The following YAP1 variants were observed in gnomAD, a reference collection of about 807,000 sequenced individuals.
YAP1 encodes the protein transcriptional coactivator YAP1.
Under a neutral mutation model 56.9 loss-of-function variants are expected in YAP1, and 5 were observed. The ratio of observed to expected loss-of-function variants is 0.09; its 90% CI spans 0.05 to 0.18. The LOEUF (loss-of-function observed/expected upper bound fraction) is 0.18. Among genes scored for constraint, YAP1 ranks in the 10% least tolerant of loss-of-function variants. YAP1 has a pLI of 1.00. For missense variants in YAP1, 539 were observed against 651.8 expected (o/e 0.83, Z 1.88); for synonymous variants, 265 against 248.1 (o/e 1.07, Z -0.64).
At chr11:102,124,245 G>T (rs572987651) in intron 2 of YAP1, among the ~76,000 whole-genome samples, 4 of 152,014 alleles carry the variant, frequency 2.6e-5, no homozygotes, top group Admixed American at 6.6e-5. Context: ...GAGCTGCTGC[G>T]CCCGGCACTC....
intron 1 of YAP1, chr11:102,112,596 G>A: frequency 1.0e-6 from 1 of 985,016 alleles, no homozygotes; most frequent in Non-Finnish European, 1.2e-6. Flanking sequence ...TCTCCTATTT[G>A]CAGGCCTGTT....
intron 3 of YAP1, among the ~76,000 whole-genome samples, chr11:102,179,251 G>A (rs991015219): frequency 5.3e-5 from 8 of 152,060 alleles, no homozygotes; most frequent in African/African-American, 1.4e-4. Context: ...TGGTATTGGT[G>A]GTCAGGCATG....
At chr11:102,222,890 C>G (rs1213801048) in intron 6 of YAP1, among the ~76,000 whole-genome samples, 1 of 147,630 alleles carries the variant, frequency 6.8e-6, no homozygotes, top group Non-Finnish European at 1.5e-5. Flanking sequence ...GGGAGGGGGT[C>G]GGGGGGTTCC....
chr11:102,186,619 C>G (rs917827812), intron 4 of YAP1: 1 of 152,592 alleles, frequency 6.6e-6, no homozygotes, highest in Admixed American at 6.6e-5. Flanking sequence ...AGAAATGGCC[C>G]AGTGAAAGCA....
chr11:102,177,349 A>G (rs1479013645), intron 3 of YAP1, among the ~76,000 whole-genome samples: 1 of 152,156 alleles, frequency 6.6e-6, no homozygotes, highest in Non-Finnish European at 1.5e-5. Context: ...GTGAGGTAAG[A>G]TGATCATGTG....
intron 3 of YAP1, among the ~76,000 whole-genome samples, chr11:102,179,670 C>G (rs1341673238): frequency 6.6e-6 from 1 of 152,072 alleles, no homozygotes; most frequent in East Asian, 1.9e-4. Flanking sequence ...TTTTCTTTTT[C>G]TTTCCCATTT....
intron 2 of YAP1, among the ~76,000 whole-genome samples, chr11:102,134,525 AT>A (rs1944559698): frequency 6.8e-6 from 1 of 148,138 alleles, no homozygotes; most frequent in Non-Finnish European, 1.5e-5. Context: ...AAATATATAT[AT>A]ATTTAAGAAT....
rs1223615889 is a variant in YAP1, at chr11:102,113,535, G to GT, written c.322-602dup. On this transcript the variant is annotated intron_variant, in intron 1 of 8. Transcript: ENST00000282441. ...CTTCTACATACAAAGATATAGTTGG[G>GT]TTTTTTTCATCCTGTTCATTGTAGA... Among the ~76,000 whole-genome samples, 10 of 152,114 alleles carry GT rather than the reference G, an allele frequency of 6.6e-5. No homozygotes were observed. The South Asian group carries it at 1.5e-3, about 22-fold the overall frequency.
chr11:102,138,316 C>T (rs1022481244), intron 2 of YAP1, among the ~76,000 whole-genome samples: 1 of 152,210 alleles, frequency 6.6e-6, no homozygotes, highest in East Asian at 1.9e-4. Flanking sequence ...TCTGCTGATA[C>T]TGCCTGAAGT....
rs200365533 is a variant in YAP1 at position 102,200,444 on chromosome 11, CTT to C, written c.803-5433_803-5432del. Among the ~76,000 whole-genome samples the C allele has an allele frequency of 4.1e-3, 541 of 131,028 alleles. 2 individuals carry two copies. Among genetic ancestry groups the C allele is most frequent in the African/African-American group, 0.014 (490 of 36,106 alleles). 86.0% of individuals were successfully genotyped at this position (131,028 alleles called of 152,430 possible). ...TTGACAAATTTGAGTAAAGAATAAG[CTT>C]TTTTTTTTTTTTTTTAGACAAGAGT... On this transcript the variant is annotated intron_variant, in intron 4 of 8. Coordinates refer to ENST00000282441, the MANE Select transcript of YAP1 (RefSeq NM_001130145.3).
intron 2 of YAP1, among the ~76,000 whole-genome samples, chr11:102,145,256 G>A (rs543735707): frequency 6.6e-6 from 1 of 152,302 alleles, no homozygotes; most frequent in South Asian, 2.1e-4. Flanking sequence ...GTTCAGCTCA[G>A]TGTTTTTGGT....
intron 2 of YAP1, among the ~76,000 whole-genome samples, chr11:102,160,586 T>C (rs1041088781): frequency 2.6e-5 from 4 of 152,204 alleles, no homozygotes; most frequent in East Asian, 1.9e-4. Context: ...AGCAAACTTA[T>C]CATTTTAGAA....
intron 7 of YAP1, among the ~76,000 whole-genome samples, chr11:102,226,349 A>T (rs1950195729): frequency 6.6e-6 from 1 of 152,228 alleles, no homozygotes; most frequent in African/African-American, 2.4e-5. Flanking sequence ...AACAAGGCAA[A>T]TGCATTGCAT....
Position 102,110,884 on chromosome 11 carries a change from C to T in YAP1, c.36C>T (p.Ala12=), listed in dbSNP as rs768900324. The T allele has an allele frequency of 4.2e-6, 6 of 1,422,406 alleles. No individual in the cohort carries two copies. The South Asian group carries it at 8.6e-5, about 20-fold the overall frequency. The allele number at this position is 1,422,406 out of a possible 1,614,324, so 88.1% of individuals were successfully genotyped here. A position where few individuals can be genotyped will look rare whatever the true frequency, so the allele number is the denominator to read the frequency against. ...DPGQQPPPQP[A]PQGQGQPPSQ... is the part of the protein sequence containing the mutation. ...GGCAGCAGCCGCCGCCTCAACCGGC[C>T]CCCCAGGGCCAAGGGCAGCCGCCTT... Residue 12 remains alanine, a synonymous_variant, in exon 1 of 9, where the codon GCC becomes GCT. Transcript: ENST00000282441.
intron 2 of YAP1, among the ~76,000 whole-genome samples, chr11:102,141,580 T>G (rs1945027755): frequency 6.6e-6 from 1 of 152,232 alleles, no homozygotes; most frequent in South Asian, 2.1e-4. Context: ...TGGAGAAGTT[T>G]GGTCTTTGGT....
chr11:102,122,877 C>T (rs571795491), intron 2 of YAP1, among the ~76,000 whole-genome samples: 3 of 104,154 alleles, frequency 2.9e-5, no homozygotes, highest in African/African-American at 3.7e-5. Flanking sequence ...GCCTGGGGGA[C>T]AAGAGCGAGA....
At chr11:102,148,873 G>T (rs1330171205) in intron 2 of YAP1, among the ~76,000 whole-genome samples, 2 of 152,048 alleles carry the variant, frequency 1.3e-5, no homozygotes, top group Middle Eastern at 6.3e-3. Flanking sequence ...ATAACTTATT[G>T]GCTGTATATT....
At chr11:102,174,972 T>C (rs1232901977) in intron 3 of YAP1, among the ~76,000 whole-genome samples, 1 of 152,192 alleles carries the variant, frequency 6.6e-6, no homozygotes, top group African/African-American at 2.4e-5. Context: ...CACTGCCCAT[T>C]GTAATCCAGA....
rs563114292 is a variant in YAP1, at chr11:102,207,922, C to T, written c.985-1595C>T. Among the ~76,000 whole-genome samples the T allele has an allele frequency of 4.4e-4, 67 of 152,264 alleles. No homozygotes were observed. The South Asian group carries it at 0.013, about 30-fold the overall frequency. ...CTTTGACAAACTAAGGAAGCAGCCTCAAGTTCTATGCCAAAGCACAGGATG... is the reference window on the plus strand; with the variant it reads ...CTTTGACAAACTAAGGAAGCAGCCTTAAGTTCTATGCCAAAGCACAGGATG... On this transcript the variant is annotated intron_variant, in intron 5 of 8. Transcript: ENST00000282441.
Sources: allele counts gnomAD v4.1 joint callset (sites outside exome capture counted in the v4.1 genomes callset), GRCh38; gene constraint gnomAD v4.1.1; transcripts MANE v1.5; gene names NCBI Gene and HGNC (gene_info 2026-07-23, HGNC 2026-07-21).